PFDN4: variants seen among roughly 807,000 people sequenced by gnomAD.
The protein encoded by PFDN4 is prefoldin 4.
A neutral mutation model predicts 17.6 loss-of-function variants in PFDN4; 6 were observed. The ratio of observed to expected loss-of-function variants is 0.34; its 90% CI spans 0.19 to 0.67. The LOEUF (loss-of-function observed/expected upper bound fraction) is 0.67. Ranked by LOEUF, PFDN4 falls within the 30% of genes least tolerant of loss-of-function variation. The pLI, the probability that PFDN4 is intolerant of heterozygous loss-of-function variation, is 0.68. For synonymous variants in PFDN4, 48 were observed against 51.1 expected, an observed-to-expected ratio of 0.94 and a Z score of 0.26; for missense variants, 119 against 158.4, an observed-to-expected ratio of 0.75 and a Z score of 1.33.
At chr20:54,212,662 C>T (rs1424615470) in intron 1 of PFDN4, among the ~76,000 whole-genome samples, 2 of 152,222 alleles carry the variant, frequency 1.3e-5, no homozygotes, top group Non-Finnish European at 2.9e-5. Flanking sequence ...TGAGCCCTCA[C>T]CAAGACAAAT....
chr20:54,211,077 C>T (rs922373126), intron 1 of PFDN4, among the ~76,000 whole-genome samples: 5 of 152,018 alleles, frequency 3.3e-5, no homozygotes, highest in African/African-American at 9.7e-5. Flanking sequence ...GAGCAAGACT[C>T]GTCTCAAAAA....
chr20:54,208,154 T>G, intron 1 of PFDN4, 30 bp downstream of exon 1: 1 of 1,525,610 alleles, frequency 6.6e-7, no homozygotes, highest in South Asian at 1.2e-5. Context: ...CTCTGGATGC[T>G]CGGGCGGCGC....
intron 1 of PFDN4, among the ~76,000 whole-genome samples, chr20:54,211,267 C>T: frequency 1.3e-5 from 2 of 152,192 alleles, no homozygotes; most frequent in East Asian, 3.8e-4. Context: ...TGAGGCATGA[C>T]TGAGTATGGT....
chr20:54,217,626 T>C (rs1176729895), intron 3 of PFDN4, among the ~76,000 whole-genome samples: 2 of 152,190 alleles, frequency 1.3e-5, no homozygotes, highest in Non-Finnish European at 2.9e-5. Flanking sequence ...AGATTGGGCC[T>C]GTGGGCTATA....
At chr20:54,217,361 C>A (rs548890898) in intron 3 of PFDN4, among the ~76,000 whole-genome samples, 1 of 152,214 alleles carries the variant, frequency 6.6e-6, no homozygotes, top group African/African-American at 2.4e-5. Flanking sequence ...CAAACATAGA[C>A]CTGCAAGAAG....
Position 54,208,094 on chromosome 20 carries a change from T to C in PFDN4, c.-7T>C. ...CTCCCCGCCGCCTGCGGTAGTCCAG[T>C]CCCAAGATGGCGGCCACCATGAAGA... On this transcript the variant is annotated 5_prime_UTR_variant, in exon 1 of 4. Coordinates refer to ENST00000371419, the MANE Select transcript of PFDN4 (RefSeq NM_002623.4). 2.6e-6 allele frequency: 4 copies of C among 1,552,884 alleles called. No individual in the cohort carries two copies. Among genetic ancestry groups the C allele is most frequent in the East Asian group, 2.5e-5 (1 of 40,554 alleles).
chr20:54,213,917 A>G (rs1485302820), intron 1 of PFDN4, among the ~76,000 whole-genome samples: 2 of 152,026 alleles, frequency 1.3e-5, no homozygotes, highest in Non-Finnish European at 2.9e-5. Context: ...CCCTTTAGCC[A>G]GTAAGCTCAT....
At chr20:54,214,260 A>C in intron 1 of PFDN4, 91 bp from the exon 2 acceptor site, 1 of 694,264 alleles carries the variant, frequency 1.4e-6, no homozygotes, top group Non-Finnish European at 2.5e-6. Context: ...TATGAGTGCA[A>C]ATGGCTTATT....
intron 1 of PFDN4, chr20:54,208,431 C>G (rs1041420799): frequency 1.8e-5 from 7 of 379,846 alleles, no homozygotes; most frequent in African/African-American, 1.3e-4. Flanking sequence ...CAGCCCCGGC[C>G]TCGCCCCTGA....
At chr20:54,216,012 A>G (rs1473301551) in intron 3 of PFDN4, among the ~76,000 whole-genome samples, 1 of 152,192 alleles carries the variant, frequency 6.6e-6, no homozygotes, top group East Asian at 1.9e-4. Flanking sequence ...GTTTAATATC[A>G]TGTTGATGGT....
At position 54,219,893 on chromosome 20, in the gene PFDN4, T is replaced by TA. The variant is rs2092767512; in HGVS notation, c.*746dup. On this transcript the variant is annotated 3_prime_UTR_variant, in exon 4 of 4. Transcript: ENST00000371419. ...TTTATATTGATAAAGATGTGGAAGT[T>TA]AAACAGCTATGTATGTAAAAGTAAG... 1 of 392,808 alleles carries TA rather than the reference T, an allele frequency of 2.5e-6. No homozygotes were observed. The highest frequency in any genetic ancestry group is 1.4e-4 in the South Asian group (1 of 7,186). 24.3% of individuals were successfully genotyped at this position (392,808 alleles called of 1,614,324 possible). A position where few individuals can be genotyped will look rare whatever the true frequency, so the allele number is the denominator to read the frequency against.
chr20:54,214,242 C>A, intron 1 of PFDN4, 109 bp from the exon 2 acceptor site: 1 of 649,038 alleles, frequency 1.5e-6, no homozygotes, highest in South Asian at 1.8e-5. Flanking sequence ...TCTTGTGATT[C>A]TTGACTATAT....
At chr20:54,213,263 T>C (rs1019603703) in intron 1 of PFDN4, among the ~76,000 whole-genome samples, 9 of 152,366 alleles carry the variant, frequency 5.9e-5, no homozygotes, top group African/African-American at 2.2e-4. Flanking sequence ...CTGGTTTTCA[T>C]TTTATAAATG....
chr20:54,214,510 A>AT (rs1479211106), intron 2 of PFDN4, 52 bp downstream of exon 2: 1 of 766,530 alleles, frequency 1.3e-6, no homozygotes, highest in Admixed American at 2.7e-5. Flanking sequence ...TATAGCTACT[A>AT]AAACTGAACT....
intron 3 of PFDN4, among the ~76,000 whole-genome samples, chr20:54,215,775 T>C (rs2092761695): frequency 6.6e-6 from 1 of 152,246 alleles, no homozygotes; most frequent in Admixed American, 6.5e-5. Context: ...AAATCCCCTG[T>C]AATTCTGCTA....
At chr20:54,212,985 T>C (rs1278354946) in intron 1 of PFDN4, among the ~76,000 whole-genome samples, 2 of 152,234 alleles carry the variant, frequency 1.3e-5, no homozygotes, top group Non-Finnish European at 2.9e-5. Flanking sequence ...TGTGAAATTG[T>C]TTCTTGGAAT....
intron 3 of PFDN4, among the ~76,000 whole-genome samples, chr20:54,216,477 T>G (rs1027000786): frequency 6.6e-6 from 1 of 152,208 alleles, no homozygotes; most frequent in African/African-American, 2.4e-5. Context: ...GTCTCCCTTA[T>G]GTTTAAATCT....
intron 1 of PFDN4, chr20:54,208,593 C>G (rs1027481929): frequency 3.2e-5 from 5 of 157,896 alleles, no homozygotes; most frequent in African/African-American, 1.2e-4. Flanking sequence ...GGGGAGTCAC[C>G]TGCCCGAGGT....
intron 3 of PFDN4, among the ~76,000 whole-genome samples, chr20:54,216,216 G>A (rs2092762242): frequency 6.6e-6 from 1 of 152,204 alleles, no homozygotes; most frequent in Non-Finnish European, 1.5e-5. Context: ...TGAGACATTT[G>A]ATACATGGTA....
Sources: allele counts gnomAD v4.1 joint callset (sites outside exome capture counted in the v4.1 genomes callset), GRCh38; gene constraint gnomAD v4.1.1; transcripts MANE v1.5; gene names NCBI Gene and HGNC (gene_info 2026-07-23, HGNC 2026-07-21).